The following PCDHA3 variants were observed in gnomAD, a reference collection of about 807,000 sequenced individuals.
The protein encoded by PCDHA3 is protocadherin alpha 3.
PCDHA3 carries 41 observed loss-of-function variants against 62.2 expected under a neutral mutation model. That is an observed-to-expected ratio of 0.66 (90% CI 0.51 to 0.86). The LOEUF is 0.86. PCDHA3 is among the 40% of genes least tolerant of loss of function. The probability of loss-of-function intolerance (pLI) is 0.00; values close to 1 mark genes in which losing one functional copy is unlikely to be tolerated. For missense variants in PCDHA3, 1,304 were observed against 1,241.2 expected (o/e 1.05, Z -0.76); for synonymous variants, 640 against 555.4 (o/e 1.15, Z -2.14).
At position 140,823,444 on chromosome 5, in the gene PCDHA3, G is replaced by A. The variant is rs201739706; in HGVS notation, c.2394+19853G>A. Reference sequence around the variant, plus strand: ...GACGCTGCAGGTGTTCGTGCTGGACGAGAACGACAACGCGCCGGCGCTGCT... The same window carrying A: ...GACGCTGCAGGTGTTCGTGCTGGACAAGAACGACAACGCGCCGGCGCTGCT... On this transcript the variant is annotated intron_variant, in intron 1 of 3. Transcript: ENST00000522353. 34 of 1,613,290 alleles carry A rather than the reference G, an allele frequency of 2.1e-5. No homozygotes were observed. Among genetic ancestry groups the A allele is most frequent in the African/African-American group, 5.3e-5 (4 of 74,920 alleles).
At chr5:140,941,255 C>CTTTCTTTCTTTCTTTCTTTCTTTCTTTT (rs782490896) in intron 1 of PCDHA3, among the ~76,000 whole-genome samples, 1 of 44,508 alleles carries the variant, frequency 2.2e-5, no homozygotes, top group Non-Finnish European at 5.1e-5. Flanking sequence ...TTCTTTCTTT[C>CTTTCTTTCTTTCTTTCTTTCTTTCTTTT]TCTTTCTTTC....
At chr5:140,892,021 G>T (rs2063355611) in intron 1 of PCDHA3, among the ~76,000 whole-genome samples, 1 of 152,160 alleles carries the variant, frequency 6.6e-6, no homozygotes, top group Non-Finnish European at 1.5e-5. Context: ...AGCACAAATG[G>T]TCTAAGATAC....
chr5:140,890,585 A>G (rs1158719431), intron 1 of PCDHA3, among the ~76,000 whole-genome samples: 1 of 152,086 alleles, frequency 6.6e-6, no homozygotes, highest in Admixed American at 6.5e-5. Context: ...TATTATTTGG[A>G]AGCCCTTTTC....
chr5:140,886,189 G>A (rs2060889525), intron 1 of PCDHA3, among the ~76,000 whole-genome samples: 1 of 152,090 alleles, frequency 6.6e-6, no homozygotes. Context: ...ATGCTGGCAA[G>A]CAGTAATCTG....
At chr5:140,823,923 G>C in intron 1 of PCDHA3, 1 of 1,614,002 alleles carries the variant, frequency 6.2e-7, no homozygotes, top group Non-Finnish European at 8.5e-7. Context: ...CGCTGCTGCT[G>C]TACACCGCGC....
At chr5:140,924,906 T>TAAAAA (rs1284498744) in intron 1 of PCDHA3, among the ~76,000 whole-genome samples, 1 of 55,822 alleles carries the variant, frequency 1.8e-5, no homozygotes, top group Non-Finnish European at 3.4e-5. Context: ...AAAAAAAAAA[T>TAAAAA]AAAATAAAAT....
chr5:140,871,386 G>A lies in PCDHA3; in HGVS notation c.2394+67795G>A, dbSNP rs782650816. The A allele has an allele frequency of 3.1e-6, 5 of 1,614,058 alleles. No individual in the cohort carries two copies. In the South Asian group the frequency reaches 4.4e-5, roughly 14 times the overall value. ...GGCGGCAGAGGGTGTGCTCTGAGGA[G>A]GGCCCACCTAAGACGGACCTCATGG... On this transcript the variant is annotated intron_variant, in intron 1 of 3. Coordinates refer to ENST00000522353, the MANE Select transcript of PCDHA3 (RefSeq NM_018906.3).
intron 1 of PCDHA3, among the ~76,000 whole-genome samples, chr5:140,974,549 T>C (rs373257165): frequency 6.6e-6 from 1 of 152,216 alleles, no homozygotes; most frequent in African/African-American, 2.4e-5. Context: ...TTTGCTCTTG[T>C]TGCCCAGGCT....
intron 1 of PCDHA3, chr5:140,836,292 C>T (rs1774344523): frequency 1.2e-6 from 2 of 1,613,782 alleles, no homozygotes; most frequent in Non-Finnish European, 1.7e-6. Context: ...GACACGAGCC[C>T]TAGATGAGAC....
chr5:140,809,920 G>A, intron 1 of PCDHA3: 1 of 175,738 alleles, frequency 5.7e-6, no homozygotes, highest in Non-Finnish European at 1.2e-5. Context: ...AAATAATAAA[G>A]CTCCATAAAT....
intron 1 of PCDHA3, among the ~76,000 whole-genome samples, chr5:140,915,981 C>T (rs11167655): frequency 0.33 from 49,706 of 151,966 alleles, 8,424 homozygotes; most frequent in East Asian, 0.53. Flanking sequence ...TATTTGACTA[C>T]GGCTAAGCTG....
At chr5:140,851,730 T>G in intron 1 of PCDHA3, 1 of 971,134 alleles carries the variant, frequency 1.0e-6, no homozygotes, top group Non-Finnish European at 1.2e-6. Context: ...TTCGAGTTCT[T>G]TTGAAATTCA....
intron 3 of PCDHA3, among the ~76,000 whole-genome samples, chr5:140,990,141 C>A (rs2097376222): frequency 6.6e-6 from 1 of 151,818 alleles, no homozygotes; most frequent in African/African-American, 2.4e-5. Flanking sequence ...ACTCAAGAGG[C>A]ATAATAATAG....
At chr5:140,971,640 A>G (rs2096489850) in intron 1 of PCDHA3, among the ~76,000 whole-genome samples, 1 of 152,184 alleles carries the variant, frequency 6.6e-6, no homozygotes, top group Non-Finnish European at 1.5e-5. Context: ...CCATGTGCCT[A>G]CATTAAAAGT....
chr5:140,967,984 C>G (rs2096207352), intron 1 of PCDHA3: 2 of 1,614,100 alleles, frequency 1.2e-6, no homozygotes, highest in African/African-American at 2.7e-5. Flanking sequence ...GTCTGGAGGC[C>G]ACACTGCCTT....
intron 1 of PCDHA3, chr5:140,850,767 G>A: frequency 1.3e-6 from 2 of 1,598,126 alleles, no homozygotes; most frequent in Admixed American, 1.7e-5. Flanking sequence ...GAGGCAGAGG[G>A]TGTGCTCTGG....
rs2098416660 is a variant in PCDHA3, at chr5:141,010,249, T to C, written c.*312T>C. ...GCCCCGCCAGTGAGAGGTTGGACTC[T>C]CTGCCCTGTGCTCCGGGGATCCTGT... On this transcript the variant is annotated 3_prime_UTR_variant, in exon 4 of 4. Coordinates refer to ENST00000522353, the MANE Select transcript of PCDHA3 (RefSeq NM_018906.3). 2 of 1,551,772 alleles carry C rather than the reference T, an allele frequency of 1.3e-6. No homozygotes were observed. Among genetic ancestry groups the C allele is most frequent in the Non-Finnish European group, 1.7e-6 (2 of 1,147,036 alleles).
intron 1 of PCDHA3, among the ~76,000 whole-genome samples, chr5:140,916,356 G>A (rs2077538770): frequency 6.6e-6 from 1 of 152,202 alleles, no homozygotes; most frequent in Admixed American, 6.5e-5. Context: ...TCAAACAGAA[G>A]GAGTCTTTCA....
rs782694897 is a variant in PCDHA3, at chr5:140,802,841, C to T, written c.1644C>T (p.Asn548=). 1.2e-6 allele frequency: 2 copies of T among 1,613,538 alleles called. No homozygotes were observed. Among genetic ancestry groups the T allele is most frequent in the Non-Finnish European group, 1.7e-6 (2 of 1,179,872 alleles). Residue 548 remains asparagine (N), a synonymous_variant, in exon 1 of 4, where the codon AAC becomes AAT. Transcript: ENST00000522353. The part of the protein sequence containing the change: ...RDAGVPPLGS[N]VTLQVFVLDE... ...CGGGCGTGCCGCCTCTGGGCAGCAA[C>T]GTGACGCTGCAGGTGTTCGTGCTGG...
Sources: allele counts gnomAD v4.1 joint callset (sites outside exome capture counted in the v4.1 genomes callset), GRCh38; gene constraint gnomAD v4.1.1; transcripts MANE v1.5; gene names NCBI Gene and HGNC (gene_info 2026-07-23, HGNC 2026-07-21).